The following MS4A14 variants were observed in gnomAD, a reference collection of about 807,000 sequenced individuals.
The protein encoded by MS4A14 is membrane-spanning 4-domains subfamily A member 14.
Under a neutral mutation model 16.7 loss-of-function variants are expected in MS4A14, and 18 were observed. The observed-to-expected ratio is 1.08, with a 90% confidence interval of 0.75 to 1.60. The LOEUF (loss-of-function observed/expected upper bound fraction) is 1.60. MS4A14 is among the 40% of genes most tolerant of loss of function. The pLI, the probability that MS4A14 is intolerant of heterozygous loss-of-function variation, is 0.00. For synonymous variants in MS4A14, 305 were observed against 289.4 expected (o/e 1.05, Z -0.55); for missense variants, 812 against 775.3 (o/e 1.05, Z -0.56).
Position 60,402,999 on chromosome 11 carries a change from G to C in MS4A14, c.406G>C (p.Asp136His). The change falls in exon 4 of 5, where the codon GAC (aspartate) becomes CAC (histidine). Residue 136 changes from aspartate (D) to histidine (H), a missense_variant. Physicochemically the swap from Asp to His is moderately conservative, Grantham distance 81. Coordinates refer to ENST00000300187, the MANE Select transcript of MS4A14 (RefSeq NM_032597.5). ...CACCATTCTCAGCTACAGACATCAA[G>C]ACAAGTACTGCCAGATGCCATCCTT... ...TFTILSYRHQ[D>H]KYCQMPSFEE... 8 of 1,613,870 alleles carry C rather than the reference G, an allele frequency of 5.0e-6. No homozygotes were observed. The highest frequency in any genetic ancestry group is 6.8e-6 in the Non-Finnish European group (8 of 1,179,814).
chr11:60,396,643 T>C lies in MS4A14; in HGVS notation c.65T>C (p.Val22Ala). 1 of 1,613,924 alleles carries C rather than the reference T, an allele frequency of 6.2e-7. No homozygotes were observed. The highest frequency in any genetic ancestry group is 1.1e-5 in the South Asian group (1 of 90,954). ...HVITIKPNET[V>A]LTAFPYRPHS... Reference sequence around the variant, plus strand: ...ATCACTATAAAACCAAACGAAACTGTATTGACTGCATTTCCCTACAGACCT... The same window carrying C: ...ATCACTATAAAACCAAACGAAACTGCATTGACTGCATTTCCCTACAGACCT... Residue 22 changes from valine to alanine, a missense_variant, in exon 1 of 5, where the codon GTA becomes GCA. Val to Ala is a moderately conservative substitution (Grantham distance 64). Transcript: ENST00000300187.
At chr11:60,410,911 T>C (rs1000242507) in intron 4 of MS4A14, among the ~76,000 whole-genome samples, 1 of 152,180 alleles carries the variant, frequency 6.6e-6, no homozygotes, top group African/African-American at 2.4e-5. Flanking sequence ...AGTGGTGAGA[T>C]CTCAGCTCAC....
In MS4A14 at chr11:60,416,778, C is replaced by G. The variant is rs2085953399; in HGVS notation, c.1810C>G (p.Gln604Glu). ...EQNSKKQTQD[Q>E]QTEDQPAQEK... Reference sequence around the variant, plus strand: ...AAACTCAAAGAAGCAAACCCAGGATCAGCAAACTGAAGACCAGCCGGCCCA... The same window carrying G: ...AAACTCAAAGAAGCAAACCCAGGATGAGCAAACTGAAGACCAGCCGGCCCA... The change falls in exon 5 of 5, where the codon CAG (glutamine) becomes GAG (glutamate). Residue 604 changes from glutamine (Q) to glutamate (E), a missense_variant. Physicochemically the swap from Gln to Glu is conservative, Grantham distance 29. Transcript: ENST00000300187. The G allele has an allele frequency of 1.2e-6, 2 of 1,613,582 alleles. No individual in the cohort carries two copies. Among genetic ancestry groups the G allele is most frequent in the Non-Finnish European group, 1.7e-6 (2 of 1,179,816 alleles).
At chr11:60,405,534 T>A (rs1308719991) in intron 4 of MS4A14, among the ~76,000 whole-genome samples, 1 of 152,228 alleles carries the variant, frequency 6.6e-6, no homozygotes, top group Non-Finnish European at 1.5e-5. Context: ...GTATATATGT[T>A]CTATCTGGCT....
intron 4 of MS4A14, 131 bp from the exon 5 acceptor site, chr11:60,415,306 T>G (rs1454900833): frequency 4.2e-6 from 4 of 951,430 alleles, no homozygotes; most frequent in Non-Finnish European, 6.1e-6. Flanking sequence ...TGGCATTCGT[T>G]TTCTGCCTTC....
At chr11:60,398,781 C>A (rs2085667673) in intron 2 of MS4A14, among the ~76,000 whole-genome samples, 1 of 152,144 alleles carries the variant, frequency 6.6e-6, no homozygotes, top group Non-Finnish European at 1.5e-5. Flanking sequence ...ATACTCCATG[C>A]CTTTTCTATA....
At chr11:60,412,605 T>C (rs80148086) in intron 4 of MS4A14, among the ~76,000 whole-genome samples, 2,105 of 152,054 alleles carry the variant, frequency 0.014, 49 homozygotes, top group African/African-American at 0.048. Flanking sequence ...CTTGTTTTAA[T>C]TGTTTTATTG....
intron 4 of MS4A14, among the ~76,000 whole-genome samples, chr11:60,405,496 A>G (rs887857566): frequency 6.6e-6 from 1 of 152,216 alleles, no homozygotes; most frequent in Admixed American, 6.5e-5. Flanking sequence ...AATGGGCAAA[A>G]TGGCAATCTG....
In MS4A14 at chr11:60,417,068, T is replaced by C. The variant is rs2085959503; in HGVS notation, c.*60T>C. The C allele has an allele frequency of 6.5e-7, 1 of 1,548,940 alleles. No individual in the cohort carries two copies. Among genetic ancestry groups the C allele is most frequent in the African/African-American group, 1.4e-5 (1 of 72,700 alleles). On this transcript the variant is annotated 3_prime_UTR_variant, in exon 5 of 5. Transcript: ENST00000300187. ...AGAATGGCAATTTGAAATGAAGCACTGGCAAACACAGGATCTATTAGAGAA... is the reference window on the plus strand; with the variant it reads ...AGAATGGCAATTTGAAATGAAGCACCGGCAAACACAGGATCTATTAGAGAA...
Position 60,417,030 on chromosome 11 carries a change from A to G in MS4A14, c.*22A>G. The G allele has an allele frequency of 6.3e-7, 1 of 1,588,676 alleles. No homozygotes were observed. Among genetic ancestry groups the G allele is most frequent in the Non-Finnish European group, 8.6e-7 (1 of 1,169,338 alleles). Reference sequence around the variant, plus strand: ...ATAACTCAGGGCTGGAGAAACAAAGATTATAAAGCACGAGAATGGCAATTT... The same window carrying G: ...ATAACTCAGGGCTGGAGAAACAAAGGTTATAAAGCACGAGAATGGCAATTT... On this transcript the variant is annotated 3_prime_UTR_variant, in exon 5 of 5. Transcript: ENST00000300187.
At chr11:60,405,276 T>C (rs1003244836) in intron 4 of MS4A14, among the ~76,000 whole-genome samples, 1 of 151,194 alleles carries the variant, frequency 6.6e-6, no homozygotes, top group Non-Finnish European at 1.5e-5. Context: ...ACGGGGTTTC[T>C]CCATGTTGGT....
chr11:60,411,266 T>C (rs1466079059), intron 4 of MS4A14, among the ~76,000 whole-genome samples: 2 of 152,254 alleles, frequency 1.3e-5, no homozygotes, highest in Non-Finnish European at 2.9e-5. Context: ...TAAAATTCAA[T>C]ATGAACTTGA....
rs1565181821 is a variant in MS4A14, at chr11:60,416,644, A to G, written c.1676A>G (p.Glu559Gly). The G allele has an allele frequency of 3.7e-6, 6 of 1,613,756 alleles. No individual in the cohort carries two copies. Among genetic ancestry groups the G allele is most frequent in the African/African-American group, 2.7e-5 (2 of 74,882 alleles). The change falls in exon 5 of 5, where the codon GAG becomes GGG. Residue 559 changes from glutamate to glycine, a missense_variant. Transcript: ENST00000300187. Reference protein sequence around the residue: ...DKQAQLNQTKEQLPDQQAEDQ... With the variant: ...DKQAQLNQTKGQLPDQQAEDQ... The stretch of plus-strand genomic sequence containing the variant: ...CAAGCTCAACTTAATCAAACTAAAG[A>G]GCAACTCCCAGATCAGCAAGCTGAA...
chr11:60,414,521 G>A (rs1248140937), intron 4 of MS4A14, among the ~76,000 whole-genome samples: 1 of 152,008 alleles, frequency 6.6e-6, no homozygotes, highest in Non-Finnish European at 1.5e-5. Context: ...CATGGAGTCA[G>A]AATAAAAAGC....
intron 4 of MS4A14, chr11:60,404,597 A>C (rs1254590623): frequency 2.2e-6 from 1 of 456,868 alleles, no homozygotes; most frequent in Non-Finnish European, 4.4e-6. Context: ...ATAATCCCTT[A>C]ATGTGTCAAG....
chr11:60,400,391 G>T lies in MS4A14; in HGVS notation c.268-13G>T. 6.3e-7 allele frequency: 1 copy of T among 1,581,922 alleles called. No individual in the cohort carries two copies. Among genetic ancestry groups the T allele is most frequent in the Non-Finnish European group, 8.6e-7 (1 of 1,157,818 alleles). ...CATCACCTGTTAACTTTTGTCTCTTGTCTTCTTAACAGTTTATTCTTACAG... is the reference window on the plus strand; with the variant it reads ...CATCACCTGTTAACTTTTGTCTCTTTTCTTCTTAACAGTTTATTCTTACAG... On this transcript the variant is annotated splice_polypyrimidine_tract_variant and intron_variant, in intron 2 of 4. Coordinates refer to ENST00000300187, the MANE Select transcript of MS4A14 (RefSeq NM_032597.5).
chr11:60,406,745 T>A (rs916590281), intron 4 of MS4A14, among the ~76,000 whole-genome samples: 1 of 152,210 alleles, frequency 6.6e-6, no homozygotes, highest in Non-Finnish European at 1.5e-5. Context: ...TTAGCTACCA[T>A]CACAATCAAG....
At chr11:60,401,789 G>C (rs2085717487) in intron 3 of MS4A14, among the ~76,000 whole-genome samples, 2 of 152,172 alleles carry the variant, frequency 1.3e-5, no homozygotes, top group Non-Finnish European at 2.9e-5. Context: ...ATAGAGCCTT[G>C]AGAAAACAAG....
At chr11:60,400,798 G>A (rs1177673144) in intron 3 of MS4A14, among the ~76,000 whole-genome samples, 4 of 152,180 alleles carry the variant, frequency 2.6e-5, no homozygotes, top group Admixed American at 6.5e-5. Flanking sequence ...TACAACTGGT[G>A]TTATTGGCAA....
Sources: allele counts gnomAD v4.1 joint callset (sites outside exome capture counted in the v4.1 genomes callset), GRCh38; gene constraint gnomAD v4.1.1; transcripts MANE v1.5; gene names NCBI Gene and HGNC (gene_info 2026-07-23, HGNC 2026-07-21).